CACNA2D3: variants seen among roughly 807,000 people sequenced by gnomAD.
CACNA2D3 encodes the protein voltage-dependent calcium channel subunit alpha-2/delta-3.
CACNA2D3 carries 60 observed loss-of-function variants against 160.6 expected under a neutral mutation model. That is an observed-to-expected ratio of 0.37 (90% confidence interval 0.30 to 0.46). The LOEUF is 0.46. Ranked by LOEUF, CACNA2D3 falls within the 20% of genes least tolerant of loss-of-function variation. The probability of loss-of-function intolerance (pLI) is 1.00; values close to 1 mark genes in which losing one functional copy is unlikely to be tolerated. For missense variants in CACNA2D3, 1,205 were observed against 1,365.0 expected (o/e 0.88, Z 1.85); for synonymous variants, 558 against 492.9 (o/e 1.13, Z -1.75).
chr3:54,458,691 G>A (rs939160526), intron 4 of CACNA2D3, among the ~76,000 whole-genome samples: 3 of 151,884 alleles, frequency 2.0e-5, no homozygotes, highest in Admixed American at 6.6e-5. Flanking sequence ...TGAGCTTCCT[G>A]GATCTGGATG....
At chr3:54,213,191 C>G (rs1291593362) in intron 2 of CACNA2D3, among the ~76,000 whole-genome samples, 2 of 152,164 alleles carry the variant, frequency 1.3e-5, no homozygotes, top group Admixed American at 6.5e-5. Flanking sequence ...AAATTTCCTT[C>G]CTTTTGGAAA....
chr3:54,634,589 G>C (rs961701789), intron 10 of CACNA2D3: 1 of 152,146 alleles, frequency 6.6e-6, no homozygotes, highest in Admixed American at 6.5e-5. Context: ...GAGAGTCAGC[G>C]AAGGGAGATA....
At chr3:54,731,901 A>G (rs1701396648) in intron 11 of CACNA2D3, among the ~76,000 whole-genome samples, 1 of 152,140 alleles carries the variant, frequency 6.6e-6, no homozygotes, top group Non-Finnish European at 1.5e-5. Flanking sequence ...ATCACCGTGT[A>G]ATTGAAACTG....
At chr3:54,741,591 A>G (rs1701650381) in intron 11 of CACNA2D3, among the ~76,000 whole-genome samples, 1 of 99,636 alleles carries the variant, frequency 1.0e-5, no homozygotes, top group Non-Finnish European at 2.4e-5. Flanking sequence ...AAAAAAAATA[A>G]TAAGAAAAAT....
At position 54,581,812 on chromosome 3, in the gene CACNA2D3, G is replaced by A. The variant is rs139601487; in HGVS notation, c.898G>A (p.Glu300Lys). 1.2e-5 allele frequency: 19 copies of A among 1,613,346 alleles called. No homozygotes were observed. The African/African-American group carries it at 1.6e-4, about 14-fold the overall frequency. ...DFFNIIAYNE[E>K]LHYVEPCLNG... ...CTTTTTTCCTTTGCAGTATAATGAG[G>A]AGCTTCACTATGTGGAACCTTGCCT... Residue 300 changes from glutamate (E) to lysine (K), a missense_variant, in exon 9 of 38, where the codon GAG becomes AAG. This residue lies in a region of CACNA2D3 where 911 missense variants were observed against 1,002.2 expected (regional missense o/e 0.91). Coordinates refer to ENST00000474759, the MANE Select transcript of CACNA2D3 (RefSeq NM_018398.3).
intron 2 of CACNA2D3, among the ~76,000 whole-genome samples, chr3:54,205,615 G>A (rs572785448): frequency 4.5e-4 from 68 of 152,254 alleles, no homozygotes; most frequent in African/African-American, 1.6e-3. Context: ...ACCACAATGG[G>A]CATCACTTGA....
intron 11 of CACNA2D3, among the ~76,000 whole-genome samples, chr3:54,729,753 A>T (rs543640466): frequency 6.6e-6 from 1 of 152,294 alleles, no homozygotes; most frequent in African/African-American, 2.4e-5. Context: ...TAATCCCAGC[A>T]CTTTGGGAGG....
intron 2 of CACNA2D3, among the ~76,000 whole-genome samples, chr3:54,163,405 G>A (rs1480795497): frequency 6.6e-6 from 1 of 152,114 alleles, no homozygotes; most frequent in Non-Finnish European, 1.5e-5. Context: ...TTCATCCCAG[G>A]ACTCCGGCTG....
intron 35 of CACNA2D3, among the ~76,000 whole-genome samples, chr3:55,027,925 G>A (rs2107172438): frequency 6.6e-6 from 1 of 152,316 alleles, no homozygotes; most frequent in African/African-American, 2.4e-5. Context: ...TTCAGCTGCA[G>A]TTTGCTTTTG....
intron 34 of CACNA2D3, among the ~76,000 whole-genome samples, chr3:55,012,694 G>T (rs965484197): frequency 1.3e-5 from 2 of 152,080 alleles, no homozygotes; most frequent in Non-Finnish European, 2.9e-5. Flanking sequence ...AATCTGGTGC[G>T]TAGAGGCCAG....
chr3:54,908,628 G>T (rs1227189780), intron 27 of CACNA2D3, among the ~76,000 whole-genome samples: 2 of 152,128 alleles, frequency 1.3e-5, no homozygotes, highest in African/African-American at 2.4e-5. Flanking sequence ...GAGGTGGGAG[G>T]ATAGCTTGAG....
chr3:54,254,845 T>C (rs1378836471), intron 2 of CACNA2D3, among the ~76,000 whole-genome samples: 2 of 152,206 alleles, frequency 1.3e-5, no homozygotes, highest in African/African-American at 2.4e-5. Flanking sequence ...GGATGAGCGC[T>C]GTCCTTACCT....
intron 27 of CACNA2D3, among the ~76,000 whole-genome samples, chr3:54,922,413 A>T (rs1376085307): frequency 6.6e-6 from 1 of 152,000 alleles, no homozygotes; most frequent in Non-Finnish European, 1.5e-5. Context: ...TCCACAATAC[A>T]ATAGTTCAAG....
chr3:54,957,347 C>T (rs1015227412), intron 27 of CACNA2D3, among the ~76,000 whole-genome samples: 2 of 151,984 alleles, frequency 1.3e-5, no homozygotes, highest in African/African-American at 4.8e-5. Context: ...TGGGGTCTCA[C>T]TCTGTTGCTC....
chr3:54,946,665 G>A (rs998261811), intron 27 of CACNA2D3, among the ~76,000 whole-genome samples: 1 of 152,046 alleles, frequency 6.6e-6, no homozygotes, highest in Non-Finnish European at 1.5e-5. Context: ...TGCAAACCTG[G>A]GGGGAGCTAG....
intron 5 of CACNA2D3, among the ~76,000 whole-genome samples, chr3:54,515,939 G>C (rs547014881): frequency 6.6e-6 from 1 of 152,326 alleles, no homozygotes; most frequent in South Asian, 2.1e-4. Flanking sequence ...ACCTGTTCCT[G>C]GGCCTCAGTG....
intron 11 of CACNA2D3, among the ~76,000 whole-genome samples, chr3:54,739,867 A>G (rs1413889433): frequency 6.6e-6 from 1 of 152,038 alleles, no homozygotes. Context: ...AAAGAAATAC[A>G]TATATTTTCT....
At chr3:54,918,994 C>G in intron 27 of CACNA2D3, 1 of 871,176 alleles carries the variant, frequency 1.1e-6, no homozygotes. Context: ...TTATGAAGTA[C>G]CTTTTTTTTT....
chr3:54,182,284 G>T (rs1047208581), intron 2 of CACNA2D3, among the ~76,000 whole-genome samples: 4 of 152,016 alleles, frequency 2.6e-5, no homozygotes, highest in Non-Finnish European at 1.5e-5. Context: ...TTGCTTGATT[G>T]GTATTTTTAT....
Sources: gnomAD v4.1 joint callset for allele counts (sites outside exome capture counted in the v4.1 genomes callset) on GRCh38, gnomAD v4.1.1 for gene constraint, gnomAD v4.1.1 regional missense constraint, MANE v1.5 for transcripts, NCBI Gene and HGNC (gene_info 2026-07-23, HGNC 2026-07-21) for gene names.